CCT3: variants seen among roughly 807,000 people sequenced by gnomAD.
CCT3 encodes T-complex protein 1 subunit gamma.
In CCT3, 10 loss-of-function variants were observed where a neutral mutation model predicts 65.3. The ratio of observed to expected loss-of-function variants is 0.15; its 90% CI spans 0.09 to 0.26. CCT3 has a LOEUF of 0.26. CCT3 is among the 10% of genes least tolerant of loss of function. The pLI, the probability that CCT3 is intolerant of heterozygous loss-of-function variation, is 1.00. For synonymous variants in CCT3, 225 were observed against 242.3 expected (o/e 0.93, Z 0.66); for missense variants, 626 against 708.7 (o/e 0.88, Z 1.33).
intron 5 of CCT3, among the ~76,000 whole-genome samples, chr1:156,327,990 AG>A (rs970603194): frequency 7.2e-6 from 1 of 138,894 alleles, no homozygotes; most frequent in Non-Finnish European, 1.6e-5. Flanking sequence ...GCCCTGTCTG[AG>A]AAGTGAGGAG....
chr1:156,338,066 A>G, intron 1 of CCT3, 88 bp downstream of exon 1: 3 of 1,413,738 alleles, frequency 2.1e-6, no homozygotes, highest in Non-Finnish European at 2.9e-6. Context: ...TGGCCCGGTC[A>G]GTGGGGGACG....
At chr1:156,337,193 T>A (rs1373821870) in intron 1 of CCT3, 1 of 523,728 alleles carries the variant, frequency 1.9e-6, no homozygotes, top group Non-Finnish European at 3.1e-6. Context: ...TCACCTGAGC[T>A]CATCAGCAGT....
chr1:156,327,362 T>C (rs1664867989), intron 5 of CCT3, among the ~76,000 whole-genome samples: 1 of 152,192 alleles, frequency 6.6e-6, no homozygotes, highest in South Asian at 2.1e-4. Flanking sequence ...ACTGTACTAC[T>C]GCCATCTCGG....
intron 5 of CCT3, among the ~76,000 whole-genome samples, chr1:156,325,338 C>G (rs1437577951): frequency 6.6e-6 from 1 of 152,024 alleles, no homozygotes; most frequent in South Asian, 2.1e-4. Context: ...TCAGCCTGGG[C>G]AACACAGTGA....
intron 7 of CCT3, among the ~76,000 whole-genome samples, chr1:156,319,881 T>C (rs1664478617): frequency 6.6e-6 from 1 of 152,188 alleles, no homozygotes; most frequent in Admixed American, 6.6e-5. Flanking sequence ...ACTATTTTAA[T>C]AGCACTACAT....
At chr1:156,323,373 G>T (rs1664650839) in intron 6 of CCT3, among the ~76,000 whole-genome samples, 1 of 151,316 alleles carries the variant, frequency 6.6e-6, no homozygotes, top group Admixed American at 6.6e-5. Context: ...AAACACTTAT[G>T]CATCTAGTGA....
At chr1:156,327,980 G>A (rs1400816632) in intron 5 of CCT3, among the ~76,000 whole-genome samples, 3 of 142,036 alleles carry the variant, frequency 2.1e-5, no homozygotes, top group African/African-American at 5.2e-5. Flanking sequence ...CCTGGCAACC[G>A]CCCTGTCTGA....
chr1:156,315,201 TCTTC>T (rs1558265400), intron 10 of CCT3, among the ~76,000 whole-genome samples: 1 of 152,168 alleles, frequency 6.6e-6, no homozygotes, highest in Non-Finnish European at 1.5e-5. Context: ...ATGTGTTATC[TCTTC>T]CTTATGATTT....
intron 5 of CCT3, among the ~76,000 whole-genome samples, chr1:156,325,891 ATCTT>A (rs1350664429): frequency 4.6e-5 from 7 of 151,940 alleles, no homozygotes; most frequent in Admixed American, 3.9e-4. Flanking sequence ...CCTTCTCTTG[ATCTT>A]TCTAAAAAAA....
At chr1:156,313,362 A>AAAAAAAAGAG in intron 10 of CCT3, among the ~76,000 whole-genome samples, 1 of 146,168 alleles carries the variant, frequency 6.8e-6, no homozygotes, top group African/African-American at 2.5e-5. Flanking sequence ...AAAAAAAAAA[A>AAAAAAAAGAG]AGAGAGAGAG....
chr1:156,330,927 T>A (rs1015471044), intron 5 of CCT3, among the ~76,000 whole-genome samples: 2 of 151,190 alleles, frequency 1.3e-5, no homozygotes, highest in South Asian at 2.1e-4. Context: ...TAAATAAATA[T>A]AATTTGAAAA....
intron 1 of CCT3, 132 bp downstream of exon 1, chr1:156,338,022 C>T: frequency 1.0e-6 from 1 of 982,592 alleles, no homozygotes; most frequent in Non-Finnish European, 1.6e-6. Flanking sequence ...GGACACTGGG[C>T]TTCCAAAATG....
chr1:156,327,513 C>T (rs975515993), intron 5 of CCT3, among the ~76,000 whole-genome samples: 1 of 152,228 alleles, frequency 6.6e-6, no homozygotes, highest in African/African-American at 2.4e-5. Context: ...GGCTGGTCTC[C>T]AGCTCCTAAC....
At chr1:156,335,925 CT>C (rs781316954) in intron 1 of CCT3, 37 bp from the exon 2 acceptor site, 149 of 1,552,660 alleles carry the variant, frequency 9.6e-5, no homozygotes, top group Non-Finnish European at 1.2e-4. Context: ...CAGCCCAGGA[CT>C]GCCCCATCGT....
In CCT3 at chr1:156,338,217, T is replaced by G; in HGVS notation, c.-33A>C. On this transcript the variant is annotated 5_prime_UTR_variant, in exon 1 of 14. Transcript: ENST00000295688. The stretch of plus-strand genomic sequence containing the variant: ...CGATGCAGAGCCGGGTACCCAGAGC[T>G]GGGGGAACCGGCAGAACCTTCTGGA... The G allele has an allele frequency of 6.3e-7, 1 of 1,576,498 alleles. No homozygotes were observed. Among genetic ancestry groups the G allele is most frequent in the Non-Finnish European group, 8.6e-7 (1 of 1,162,106 alleles).
chr1:156,311,223 G>A (rs74918918), intron 11 of CCT3, 28 bp from the exon 12 acceptor site: 1 of 1,605,008 alleles, frequency 6.2e-7, no homozygotes. Context: ...ACAGTATGAA[G>A]CCAAAGCTTG....
chr1:156,335,957 C>A, intron 1 of CCT3, 69 bp from the exon 2 acceptor site: 1 of 1,262,716 alleles, frequency 7.9e-7, no homozygotes, highest in Non-Finnish European at 1.1e-6. Context: ...TTTATTTCCC[C>A]GTCTTTGAAA....
chr1:156,313,294 T>G (rs7523451), intron 10 of CCT3, among the ~76,000 whole-genome samples: 35,313 of 144,136 alleles, frequency 0.24, 4,685 homozygotes, highest in Non-Finnish European at 0.29. Flanking sequence ...AGCTGAGATT[T>G]CACCACTGCA....
chr1:156,313,350 G>A (rs112101334), intron 10 of CCT3, among the ~76,000 whole-genome samples: 2,388 of 106,074 alleles, frequency 0.023, no homozygotes, highest in Middle Eastern at 0.032. Flanking sequence ...AAAAAAAAAA[G>A]AAAAAAAAAA....
Sources: allele counts gnomAD v4.1 joint callset (sites outside exome capture counted in the v4.1 genomes callset), GRCh38; gene constraint gnomAD v4.1.1; transcripts MANE v1.5; gene names NCBI Gene and HGNC (gene_info 2026-07-23, HGNC 2026-07-21).